The following NCBP3 variants were observed in gnomAD, a reference collection of about 807,000 sequenced individuals.
NCBP3 encodes nuclear cap binding subunit 3.
Under a neutral mutation model 75.7 loss-of-function variants are expected in NCBP3, and 20 were observed. The ratio of observed to expected loss-of-function variants is 0.26; its 90% confidence interval spans 0.19 to 0.38. NCBP3 has a LOEUF of 0.38. NCBP3 is among the 10% of genes least tolerant of loss of function. The pLI is 1.00. For synonymous variants in NCBP3, 293 were observed against 290.5 expected (o/e 1.01, Z -0.09); for missense variants, 678 against 796.9 (o/e 0.85, Z 1.80).
intron 2 of NCBP3, among the ~76,000 whole-genome samples, chr17:3,842,512 A>G (rs1434618796): frequency 3.3e-5 from 5 of 152,338 alleles, no homozygotes; most frequent in Non-Finnish European, 2.9e-5. Context: ...AGAAATGGAC[A>G]TACCATTTAA....
At chr17:3,839,539 G>A (rs1181277686) in intron 3 of NCBP3, among the ~76,000 whole-genome samples, 1 of 152,044 alleles carries the variant, frequency 6.6e-6, no homozygotes, top group African/African-American at 2.4e-5. Context: ...GTAGAGATGG[G>A]GTTTCACCAT....
intron 1 of NCBP3, among the ~76,000 whole-genome samples, chr17:3,844,764 A>C (rs2054130940): frequency 2.0e-5 from 3 of 152,156 alleles, no homozygotes; most frequent in Admixed American, 2.0e-4. Context: ...GCAGAAGAGT[A>C]GCTTGAACCC....
At chr17:3,839,532 G>C (rs1189305397) in intron 3 of NCBP3, among the ~76,000 whole-genome samples, 1 of 152,174 alleles carries the variant, frequency 6.6e-6, no homozygotes, top group Non-Finnish European at 1.5e-5. Flanking sequence ...AGTTTTAGTA[G>C]AGATGGGGTT....
At chr17:3,827,959 C>T (rs937010538) in intron 4 of NCBP3, among the ~76,000 whole-genome samples, 4 of 152,194 alleles carry the variant, frequency 2.6e-5, no homozygotes, top group Non-Finnish European at 5.9e-5. Flanking sequence ...CACTCTGTTG[C>T]CCAGGCTGGA....
chr17:3,819,517 G>A (rs542378550), intron 9 of NCBP3, among the ~76,000 whole-genome samples: 1 of 151,056 alleles, frequency 6.6e-6, no homozygotes, highest in South Asian at 2.1e-4. Context: ...CCGAGATCGC[G>A]CCACTGCACT....
At chr17:3,817,695 T>C (rs2053566987) in intron 10 of NCBP3, among the ~76,000 whole-genome samples, 1 of 152,216 alleles carries the variant, frequency 6.6e-6, no homozygotes, top group South Asian at 2.1e-4. Flanking sequence ...ACCATCTTTT[T>C]AAACACATAT....
At chr17:3,838,512 T>C (rs2054013885) in intron 3 of NCBP3, among the ~76,000 whole-genome samples, 1 of 152,236 alleles carries the variant, frequency 6.6e-6, no homozygotes, top group African/African-American at 2.4e-5. Flanking sequence ...GAACTGGTCA[T>C]GCAGGATAAA....
intron 9 of NCBP3, 42 bp downstream of exon 9, chr17:3,821,207 G>A (rs1387067462): frequency 2.9e-6 from 4 of 1,370,208 alleles, no homozygotes; most frequent in Non-Finnish European, 3.1e-6. Context: ...ATGATTTCAG[G>A]AGCCAAACAT....
chr17:3,832,946 C>T lies in NCBP3; in HGVS notation c.356-3578G>A, dbSNP rs149077430. Among the ~76,000 whole-genome samples the T allele has an allele frequency of 2.9e-3, 445 of 152,176 alleles. 5 individuals carry two copies. In the South Asian group the frequency reaches 0.039, roughly 13 times the overall value. On this transcript the variant is annotated intron_variant, in intron 3 of 12. Transcript: ENST00000389005. ...CATCCCAGATTTAAAAAGATAAAGA[C>T]ACCATGAAGATTTATGAATCCAGGT...
At chr17:3,822,816 C>A (rs899551809) in intron 7 of NCBP3, 8 of 152,342 alleles carry the variant, frequency 5.3e-5, no homozygotes, top group African/African-American at 1.9e-4. Flanking sequence ...GCCCCCAACC[C>A]CCGAACCCCT....
chr17:3,842,961 T>A (rs2054092261), intron 2 of NCBP3, 125 bp downstream of exon 2: 1 of 895,970 alleles, frequency 1.1e-6, no homozygotes, highest in Non-Finnish European at 1.7e-6. Context: ...CAATTTTTTT[T>A]AGAAAAAAAA....
intron 3 of NCBP3, among the ~76,000 whole-genome samples, chr17:3,839,865 T>G (rs2054034950): frequency 6.6e-6 from 1 of 152,214 alleles, no homozygotes. Flanking sequence ...TAACTTTTTC[T>G]GGGCCTCCTC....
intron 2 of NCBP3, among the ~76,000 whole-genome samples, chr17:3,842,639 A>G (rs2054086027): frequency 6.6e-6 from 1 of 152,156 alleles, no homozygotes; most frequent in South Asian, 2.1e-4. Context: ...GTACCGTTTC[A>G]GGATGCATGA....
Position 3,829,385 on chromosome 17 carries a change from CAG to C in NCBP3, c.356-19_356-18del. The C allele has an allele frequency of 6.4e-7, 1 of 1,550,736 alleles. No homozygotes were observed. The highest frequency in any genetic ancestry group is 8.7e-7 in the Non-Finnish European group (1 of 1,146,152). ...TGGGGATTGCTAGAAAGACAAGACA[CAG>C]AAAAGATGATAGAATTTTCCTGTCC... On this transcript the variant is annotated intron_variant, in intron 3 of 12. Coordinates refer to ENST00000389005, the MANE Select transcript of NCBP3 (RefSeq NM_001114118.3).
intron 1 of NCBP3, 77 bp from the exon 2 acceptor site, chr17:3,843,228 G>A: frequency 8.8e-7 from 1 of 1,139,380 alleles, no homozygotes. Context: ...CCTGACATCT[G>A]CAGGTTCTTT....
rs1269306436 is a variant in NCBP3 at position 3,809,861 on chromosome 17, T to C, written c.*3183A>G. ...TAAAAAATGAAATACTGATAGAAGC[T>C]ATGACATGGATGAACCTCAGAAATA... On this transcript the variant is annotated 3_prime_UTR_variant, in exon 13 of 13. Transcript: ENST00000389005. The C allele has an allele frequency of 6.6e-6, 1 of 152,174 alleles. No individual in the cohort carries two copies. Among genetic ancestry groups the C allele is most frequent in the East Asian group, 1.9e-4 (1 of 5,198 alleles). 9.4% of individuals were successfully genotyped at this position (152,174 alleles called of 1,614,324 possible). A position where few individuals can be genotyped will look rare whatever the true frequency, so the allele number is the denominator to read the frequency against.
At chr17:3,836,276 C>G (rs2053969765) in intron 3 of NCBP3, among the ~76,000 whole-genome samples, 1 of 152,124 alleles carries the variant, frequency 6.6e-6, no homozygotes, top group African/African-American at 2.4e-5. Flanking sequence ...GATAATAAGC[C>G]ACATTAACTG....
rs2053442041 is a variant in NCBP3, at chr17:3,812,720, T to C, written c.*324A>G. Reference sequence around the variant, plus strand: ...CTCTTTGGATGAACTGTGTAAAACATTTCTTTTAAAAGACACAATGTTAAA... The same window carrying C: ...CTCTTTGGATGAACTGTGTAAAACACTTCTTTTAAAAGACACAATGTTAAA... On this transcript the variant is annotated 3_prime_UTR_variant, in exon 13 of 13. Transcript: ENST00000389005. 8.6e-7 allele frequency: 1 copy of C among 1,157,794 alleles called. No homozygotes were observed. The highest frequency in any genetic ancestry group is 1.1e-6 in the Non-Finnish European group (1 of 932,236). 71.7% of individuals were successfully genotyped at this position (1,157,794 alleles called of 1,614,324 possible). A position where few individuals can be genotyped will look rare whatever the true frequency, so the allele number is the denominator to read the frequency against.
chr17:3,827,221 A>G (rs1053446515), intron 4 of NCBP3, among the ~76,000 whole-genome samples: 4 of 152,204 alleles, frequency 2.6e-5, no homozygotes, highest in Admixed American at 2.6e-4. Context: ...TATTCCATGA[A>G]AAAGAGTTGT....
Sources: gnomAD v4.1 joint callset for allele counts (sites outside exome capture counted in the v4.1 genomes callset) on GRCh38, gnomAD v4.1.1 for gene constraint, MANE v1.5 for transcripts, NCBI Gene and HGNC (gene_info 2026-07-23, HGNC 2026-07-21) for gene names.